FAT3: variants seen among roughly 807,000 people sequenced by gnomAD.
FAT3 encodes FAT atypical cadherin 3.
In FAT3, 95 loss-of-function variants were observed where a neutral mutation model predicts 310.2. The observed-to-expected ratio is 0.31, with a 90% CI of 0.26 to 0.36. FAT3 has a LOEUF of 0.36. Among genes scored for constraint, FAT3 ranks in the 10% least tolerant of loss-of-function variants. The pLI is 1.00. For synonymous variants in FAT3, 2,314 were observed against 2,192.9 expected (o/e 1.06, Z -1.54); for missense variants, 5,408 against 5,715.6 (o/e 0.95, Z 1.74).
rs1459773061 is a variant in FAT3, at chr11:92,294,305, T to C, written c.-17-57791T>C. Reference sequence around the variant, plus strand: ...CCCCATTTAACCTTAATTACTTCCATAAAGACCTCATCTCCAAATATAGCC... The same window carrying C: ...CCCCATTTAACCTTAATTACTTCCACAAAGACCTCATCTCCAAATATAGCC... On this transcript the variant is annotated intron_variant, in intron 1 of 27. Coordinates refer to ENST00000525166, the MANE Select transcript of FAT3 (RefSeq NM_001367949.2). 2.0e-5 allele frequency among the ~76,000 whole-genome samples: 3 copies of C among 152,050 alleles called. No individual in the cohort carries two copies. The East Asian group carries it at 5.8e-4, about 29-fold the overall frequency.
At position 92,798,262 on chromosome 11, in the gene FAT3, C is replaced by G. The variant is rs1253591457; in HGVS notation, c.5249C>G (p.Ala1750Gly). Residue 1750 changes from alanine to glycine, a missense_variant, in exon 10 of 28, where the codon GCT becomes GGT. Physicochemically the swap from Ala to Gly is moderately conservative, Grantham distance 60 (BLOSUM62 0). Transcript: ENST00000525166. Reference protein sequence around the residue: ...IIQATNMAGMASNATVNIQIV... With the variant: ...IIQATNMAGMGSNATVNIQIV... ...CAGGCCACCAATATGGCAGGAATGG[C>G]TTCCAATGCTACAGTCAATATTCAG... 6.2e-7 allele frequency: 1 copy of G among 1,613,896 alleles called. No individual in the cohort carries two copies. The highest frequency in any genetic ancestry group is 8.5e-7 in the Non-Finnish European group (1 of 1,179,856).
At chr11:92,614,774 A>G (rs1940723058) in intron 3 of FAT3, among the ~76,000 whole-genome samples, 1 of 152,228 alleles carries the variant, frequency 6.6e-6, no homozygotes, top group African/African-American at 2.4e-5. Flanking sequence ...ATACCTAAGA[A>G]GTCTTTGCTT....
At chr11:92,262,064 T>C (rs533406926) in intron 1 of FAT3, among the ~76,000 whole-genome samples, 2 of 152,118 alleles carry the variant, frequency 1.3e-5, no homozygotes, top group East Asian at 3.9e-4. Context: ...CTAAAGAAAC[T>C]ACCATATTAG....
Position 92,282,589 on chromosome 11 carries a change from T to C in FAT3, c.-18+57415T>C, listed in dbSNP as rs533658887. On this transcript the variant is annotated intron_variant, in intron 1 of 27. Transcript: ENST00000525166. ...CTGAGGCAGGAGAATCACTTGAACC[T>C]GGAGGCAGAAGTTGCAGTGAGCCAA... Among the ~76,000 whole-genome samples, 3 of 151,342 alleles carry C rather than the reference T, an allele frequency of 2.0e-5. No individual in the cohort carries two copies. The East Asian group carries it at 5.9e-4, about 30-fold the overall frequency.
chr11:92,351,486 T>C (rs2134627314), intron 1 of FAT3, among the ~76,000 whole-genome samples: 1 of 152,346 alleles, frequency 6.6e-6, no homozygotes, highest in East Asian at 1.9e-4. Context: ...GGTGTTTATA[T>C]AATAATAGAA....
chr11:92,697,553 G>A (rs1943978818), intron 4 of FAT3, 108 bp downstream of exon 4: 11 of 1,080,464 alleles, frequency 1.0e-5, no homozygotes, highest in Admixed American at 1.9e-5. Context: ...GGATATCAAA[G>A]TGAAGATATT....
In FAT3 at chr11:92,889,910, T is replaced by C. The variant is rs1949878283; in HGVS notation, c.13147+19T>C. ...AACCGAGGTGACTGTGCCGCAACCC[T>C]AGCATAACTTTTTGTGTGTTTGTTT... On this transcript the variant is annotated intron_variant, in intron 27 of 27. Coordinates refer to ENST00000525166, the MANE Select transcript of FAT3 (RefSeq NM_001367949.2). 1.4e-6 allele frequency: 1 copy of C among 717,942 alleles called. No individual in the cohort carries two copies. The highest frequency in any genetic ancestry group is 1.7e-5 in the African/African-American group (1 of 57,272). 44.5% of individuals were successfully genotyped at this position (717,942 alleles called of 1,614,324 possible).
At chr11:92,267,765 T>C (rs1946010802) in intron 1 of FAT3, among the ~76,000 whole-genome samples, 1 of 152,184 alleles carries the variant, frequency 6.6e-6, no homozygotes. Flanking sequence ...TATCATTATT[T>C]ATTTGCTGAT....
intron 1 of FAT3, among the ~76,000 whole-genome samples, chr11:92,309,742 G>A (rs1279893774): frequency 1.3e-5 from 2 of 152,130 alleles, no homozygotes; most frequent in African/African-American, 4.8e-5. Flanking sequence ...GGTACTGCAG[G>A]AGGAGCCCAC....
chr11:92,798,820 G>A lies in FAT3; in HGVS notation c.5807G>A (p.Ser1936Asn). The change falls in exon 10 of 28, where the codon AGT becomes AAT. Residue 1936 changes from serine (S) to asparagine (N), a missense_variant. Around this residue, in one of 5 missense-constraint regions of FAT3, gnomAD observed 4,588 missense variants for 4,809.8 expected, o/e 0.95. Transcript: ENST00000525166. Reference sequence around the variant, plus strand: ...GATCATTTTTTAATTGACTCAAACAGTGGAGTACTTACCATAAAAAACAAC... The same window carrying A: ...GATCATTTTTTAATTGACTCAAACAATGGAGTACTTACCATAAAAAACAAC... ...SLDHFLIDSN[S>N]GVLTIKNNNL... 9 of 1,613,894 alleles carry A rather than the reference G, an allele frequency of 5.6e-6. No individual in the cohort carries two copies. Among genetic ancestry groups the A allele is most frequent in the Non-Finnish European group, 7.6e-6 (9 of 1,179,858 alleles).
intron 1 of FAT3, among the ~76,000 whole-genome samples, chr11:92,252,661 T>C (rs1225566585): frequency 6.6e-6 from 1 of 152,192 alleles, no homozygotes; most frequent in Non-Finnish European, 1.5e-5. Context: ...CTTTCTACTG[T>C]TGTGCCTTGG....
chr11:92,480,281 C>G (rs1197070823), intron 2 of FAT3, among the ~76,000 whole-genome samples: 1 of 151,874 alleles, frequency 6.6e-6, no homozygotes, highest in Non-Finnish European at 1.5e-5. Context: ...CAAAACAAAA[C>G]AAAACAGTGC....
rs1007483944 is a variant in FAT3 at position 92,808,212 on chromosome 11, T to A, written c.9248-1631T>A. Among the ~76,000 whole-genome samples, 5 of 152,288 alleles carry A rather than the reference T, an allele frequency of 3.3e-5. 1 individual carries two copies. The South Asian group carries it at 1.0e-3, about 32-fold the overall frequency. ...ATGCCCAGGGGATATTGTAATCCAG[T>A]AGGGAAGACAGGCAAGTTAACCAAT... On this transcript the variant is annotated intron_variant, in intron 12 of 27. Coordinates refer to ENST00000525166, the MANE Select transcript of FAT3 (RefSeq NM_001367949.2).
intron 2 of FAT3, among the ~76,000 whole-genome samples, chr11:92,459,833 G>A (rs1235458313): frequency 6.6e-6 from 1 of 152,056 alleles, no homozygotes; most frequent in Non-Finnish European, 1.5e-5. Context: ...TCCGGTTGTT[G>A]TAGGACATGT....
intron 2 of FAT3, among the ~76,000 whole-genome samples, chr11:92,464,573 C>T (rs1951714912): frequency 6.6e-6 from 1 of 152,158 alleles, no homozygotes; most frequent in African/African-American, 2.4e-5. Flanking sequence ...GCATATAGGG[C>T]CCCTTAAATG....
At chr11:92,271,447 T>TC (rs1946119899) in intron 1 of FAT3, among the ~76,000 whole-genome samples, 1 of 152,092 alleles carries the variant, frequency 6.6e-6, no homozygotes, top group Non-Finnish European at 1.5e-5. Flanking sequence ...CCTCTGCCAC[T>TC]CCCCCTTAGG....
At chr11:92,264,736 G>A (rs1945884864) in intron 1 of FAT3, among the ~76,000 whole-genome samples, 1 of 152,142 alleles carries the variant, frequency 6.6e-6, no homozygotes, top group African/African-American at 2.4e-5. Context: ...CATAGATTCT[G>A]TCTTTCACTC....
intron 2 of FAT3, among the ~76,000 whole-genome samples, chr11:92,377,374 G>C (rs1949375855): frequency 6.6e-6 from 1 of 152,142 alleles, no homozygotes; most frequent in Non-Finnish European, 1.5e-5. Context: ...AAATACCCAG[G>C]AAATAAACAC....
chr11:92,392,511 C>T (rs903159764), intron 2 of FAT3, among the ~76,000 whole-genome samples: 3 of 152,146 alleles, frequency 2.0e-5, no homozygotes, highest in Non-Finnish European at 4.4e-5. Context: ...CTCAGGGTAT[C>T]TGTCTCTTGC....
Sources: allele counts gnomAD v4.1 joint callset (sites outside exome capture counted in the v4.1 genomes callset), GRCh38; gene constraint gnomAD v4.1.1; regional missense constraint gnomAD v4.1.1; transcripts MANE v1.5; gene names NCBI Gene and HGNC (gene_info 2026-07-23, HGNC 2026-07-21).